The following EP300 variants were observed in gnomAD, a reference collection of about 807,000 sequenced individuals.
EP300 encodes histone acetyltransferase p300.
Under a neutral mutation model 264.0 loss-of-function variants are expected in EP300, and 31 were observed. The observed-to-expected ratio is 0.12, with a 90% CI of 0.09 to 0.16. The LOEUF is 0.16. EP300 is among the 10% of genes least tolerant of loss of function. The probability of loss-of-function intolerance (pLI) is 1.00; values close to 1 mark genes in which losing one functional copy is unlikely to be tolerated. For missense variants in EP300, 2,766 were observed against 3,052.9 expected (o/e 0.91, Z 2.21); for synonymous variants, 1,340 against 1,045.4 (o/e 1.28, Z -5.44).
intron 20 of EP300, among the ~76,000 whole-genome samples, chr22:41,161,577 A>G (rs1049105371): frequency 7.2e-5 from 11 of 152,202 alleles, no homozygotes; most frequent in African/African-American, 2.7e-4. Flanking sequence ...AGATTGGGCC[A>G]CTGCATTCCA....
chr22:41,131,976 T>G (rs182207287), intron 6 of EP300, among the ~76,000 whole-genome samples: 1 of 152,106 alleles, frequency 6.6e-6, no homozygotes. Flanking sequence ...GGTGGGTGGA[T>G]CACAAGGTCA....
chr22:41,137,919 CT>C, intron 8 of EP300, 129 bp downstream of exon 8: 1 of 1,251,604 alleles, frequency 8.0e-7, no homozygotes, highest in South Asian at 1.3e-5. Context: ...GATGTTGATA[CT>C]TCTACTCTTG....
At chr22:41,162,934 G>A (rs976678635) in intron 21 of EP300, among the ~76,000 whole-genome samples, 155 bp downstream of exon 21, 4 of 152,180 alleles carry the variant, frequency 2.6e-5, no homozygotes, top group East Asian at 1.9e-4. Context: ...GGAAAACACT[G>A]AAGTACTAAG....
chr22:41,144,521 T>TG (rs1237953196), intron 10 of EP300, among the ~76,000 whole-genome samples: 1 of 151,230 alleles, frequency 6.6e-6, no homozygotes, highest in Non-Finnish European at 1.5e-5. Context: ...GCCTGGCTAA[T>TG]TTTTTTTTAT....
At position 41,117,574 on chromosome 22, in the gene EP300, C is replaced by G. The variant is rs775206469; in HGVS notation, c.482C>G (p.Pro161Arg). The G allele has an allele frequency of 6.2e-7, 1 of 1,614,224 alleles. No individual in the cohort carries two copies. Among genetic ancestry groups the G allele is most frequent in the Admixed American group, 1.7e-5 (1 of 60,024 alleles). ...ATGATGAACAGTCCAGTAAATCAGC[C>G]TGCCATGGGAATGAACACAGGGATG... ...TGMMNSPVNQ[P>R]AMGMNTGMNA... is the part of the protein sequence containing the mutation. Residue 161 changes from proline to arginine, a missense_variant, in exon 2 of 31, where the codon CCT becomes CGT. Physicochemically the swap from Pro to Arg is moderately radical, Grantham distance 103. Transcript: ENST00000263253.
At chr22:41,173,072 G>C (rs2059180000) in intron 28 of EP300, among the ~76,000 whole-genome samples, 1 of 152,138 alleles carries the variant, frequency 6.6e-6, no homozygotes, top group South Asian at 2.1e-4. Flanking sequence ...AAATAGGCCT[G>C]AGCCAGAATT....
intron 9 of EP300, 35 bp downstream of exon 9, chr22:41,140,292 ATTG>A: frequency 7.3e-7 from 1 of 1,366,960 alleles, no homozygotes; most frequent in Non-Finnish European, 1.0e-6. Context: ...AATAGCCAAG[ATTG>A]AACCTGTTGT....
chr22:41,103,259 G>C (rs1280146877), intron 1 of EP300, among the ~76,000 whole-genome samples: 4 of 152,082 alleles, frequency 2.6e-5, no homozygotes, highest in African/African-American at 4.8e-5. Context: ...TGAAGTTGGT[G>C]GTTCTTCTGA....
rs780235974 is a variant in EP300, at chr22:41,178,402, A to G, written c.6691A>G (p.Met2231Val). Residue 2231 changes from methionine (M) to valine (V), a missense_variant, in exon 31 of 31, where the codon ATG becomes GTG. Coordinates refer to ENST00000263253, the MANE Select transcript of EP300 (RefSeq NM_001429.4). The part of the protein sequence containing the change: ...PQQQQRMQHH[M>V]QQMQQGNMGQ... ...GCAGCAGCAGCGGATGCAGCATCAC[A>G]TGCAACAGATGCAACAAGGAAATAT... 4.3e-6 allele frequency: 7 copies of G among 1,614,106 alleles called. No individual in the cohort carries two copies. The South Asian group carries it at 4.4e-5, about 10-fold the overall frequency.
chr22:41,146,846 A>G (rs371009789), intron 11 of EP300, 30 bp downstream of exon 11: 42 of 1,583,036 alleles, frequency 2.7e-5, no homozygotes, highest in Non-Finnish European at 3.4e-5. Flanking sequence ...TTTTTATTTT[A>G]AAAGAATCCC....
intron 8 of EP300, 135 bp downstream of exon 8, chr22:41,137,925 CT>C (rs1235376468): frequency 9.0e-6 from 11 of 1,215,476 alleles, no homozygotes; most frequent in Non-Finnish European, 1.3e-5. Context: ...GATACTTCTA[CT>C]CTTGTGGATT....
intron 1 of EP300, among the ~76,000 whole-genome samples, chr22:41,095,945 T>C (rs574514470): frequency 3.7e-4 from 57 of 152,334 alleles, no homozygotes; most frequent in African/African-American, 1.3e-3. Flanking sequence ...AATACTCAGA[T>C]ATTCTCCTAA....
At chr22:41,172,005 T>A (rs918092961) in intron 27 of EP300, among the ~76,000 whole-genome samples, 1 of 152,208 alleles carries the variant, frequency 6.6e-6, no homozygotes, top group African/African-American at 2.4e-5. Context: ...GTAGTTCAAC[T>A]AAATAAAGAA....
rs1283325310 is a variant in EP300, at chr22:41,114,588, C to T, written c.95-2599C>T. Among the ~76,000 whole-genome samples the T allele has an allele frequency of 2.6e-5, 4 of 152,130 alleles. No individual in the cohort carries two copies. In the East Asian group the frequency reaches 7.7e-4, roughly 29 times the overall value. On this transcript the variant is annotated intron_variant, in intron 1 of 30. Transcript: ENST00000263253. ...CCTGAGATCTTGGGATACAATTTGACTTAGTTCATATATGACCACATGTTG... is the reference window on the plus strand; with the variant it reads ...CCTGAGATCTTGGGATACAATTTGATTTAGTTCATATATGACCACATGTTG...
intron 25 of EP300, chr22:41,169,245 T>A: frequency 1.8e-6 from 1 of 565,460 alleles, no homozygotes; most frequent in Non-Finnish European, 3.1e-6. Context: ...TAAAAACGTA[T>A]AGGGATCACC....
intron 16 of EP300, among the ~76,000 whole-genome samples, chr22:41,153,801 G>A (rs760543445): frequency 6.6e-6 from 1 of 152,130 alleles, no homozygotes; most frequent in African/African-American, 2.4e-5. Context: ...TATTCAAATA[G>A]TCCTTATTTT....
At chr22:41,162,033 A>G (rs1185271343) in intron 20 of EP300, among the ~76,000 whole-genome samples, 1 of 152,214 alleles carries the variant, frequency 6.6e-6, no homozygotes, top group Non-Finnish European at 1.5e-5. Flanking sequence ...TTAAGGCAGT[A>G]CATCTCTAAC....
intron 6 of EP300, among the ~76,000 whole-genome samples, chr22:41,135,337 G>C (rs1270113053): frequency 6.6e-6 from 1 of 152,090 alleles, no homozygotes; most frequent in African/African-American, 2.4e-5. Context: ...TATGTTTATA[G>C]TTCCTATTAT....
rs1161953844 is a variant in EP300, at chr22:41,131,542, G to T, written c.1437G>T (p.Gln479His). The change falls in exon 6 of 31, where the codon CAG becomes CAT. Residue 479 changes from glutamine to histidine, a missense_variant. Transcript: ENST00000263253. ...AALGLPYQVN[Q>H]MPTQPQVQAK... Reference sequence around the variant, plus strand: ...TTGGACTACCCTATCAAGTAAATCAGATGCCGACACAACCCCAGGTGCAAG... The same window carrying T: ...TTGGACTACCCTATCAAGTAAATCATATGCCGACACAACCCCAGGTGCAAG... The T allele has an allele frequency of 6.2e-7, 1 of 1,613,992 alleles. No individual in the cohort carries two copies. The highest frequency in any genetic ancestry group is 1.1e-5 in the South Asian group (1 of 91,070).
Sources: allele counts gnomAD v4.1 joint callset (sites outside exome capture counted in the v4.1 genomes callset), GRCh38; gene constraint gnomAD v4.1.1; transcripts MANE v1.5; gene names NCBI Gene and HGNC (gene_info 2026-07-23, HGNC 2026-07-21).